The following XXYLT1 variants were observed in gnomAD, a reference collection of about 807,000 sequenced individuals.
XXYLT1 encodes the protein xyloside xylosyltransferase 1, also known as UDP-xylose:alpha-xyloside alpha-1,3-xylosyltransferase.
XXYLT1 carries 20 observed loss-of-function variants against 28.9 expected under a neutral mutation model. The observed-to-expected ratio is 0.69, with a 90% CI of 0.49 to 1.00. XXYLT1 has a LOEUF of 1.00. XXYLT1 is among the 50% of genes least tolerant of loss of function. XXYLT1 has a pLI of 0.00. For synonymous variants in XXYLT1, 257 were observed against 253.8 expected (o/e 1.01, Z -0.12); for missense variants, 542 against 560.1 (o/e 0.97, Z 0.33).
intron 3 of XXYLT1, among the ~76,000 whole-genome samples, chr3:195,146,238 G>C (rs998475812): frequency 6.6e-6 from 1 of 152,188 alleles, no homozygotes; most frequent in African/African-American, 2.4e-5. Flanking sequence ...GTTACAGAAG[G>C]TCCCTCTTGT....
At position 195,109,846 on chromosome 3, in the gene XXYLT1, G is replaced by T. The variant is rs1717408754; in HGVS notation, c.786-39735C>A. ...GTGTATGAGTGTGCGTGTGTGTGGTGTATGTGTGCCTGTGTGTGTGGTGTA... is the reference window on the plus strand; with the variant it reads ...GTGTATGAGTGTGCGTGTGTGTGGTTTATGTGTGCCTGTGTGTGTGGTGTA... On this transcript the variant is annotated intron_variant, in intron 3 of 3. Coordinates refer to ENST00000310380, the MANE Select transcript of XXYLT1 (RefSeq NM_152531.5). Among the ~76,000 whole-genome samples the T allele has an allele frequency of 4.5e-5, 3 of 66,494 alleles. 1 individual carries two copies. The South Asian group carries it at 1.4e-3, about 31-fold the overall frequency. The allele number at this position is 66,494 out of a possible 152,430, so 43.6% of individuals were successfully genotyped here. A position where few individuals can be genotyped will look rare whatever the true frequency, so the allele number is the denominator to read the frequency against.
intron 3 of XXYLT1, chr3:195,154,160 T>C (rs1436103413): frequency 6.6e-6 from 1 of 152,052 alleles, no homozygotes; most frequent in Non-Finnish European, 1.5e-5. Context: ...CATCAGCTGA[T>C]GGTCAGGCAG....
At chr3:195,099,279 T>A (rs547663486) in intron 3 of XXYLT1, among the ~76,000 whole-genome samples, 3 of 152,076 alleles carry the variant, frequency 2.0e-5, no homozygotes, top group Non-Finnish European at 4.4e-5. Flanking sequence ...CGCAGGTGCG[T>A]GGACTCACGT....
intron 3 of XXYLT1, among the ~76,000 whole-genome samples, chr3:195,070,972 C>T (rs1389101696): frequency 6.6e-6 from 1 of 152,260 alleles, no homozygotes; most frequent in Non-Finnish European, 1.5e-5. Context: ...TACCCAAATG[C>T]TTCCATCTGG....
chr3:195,127,124 AAG>A (rs761462975), intron 3 of XXYLT1, among the ~76,000 whole-genome samples: 1 of 152,158 alleles, frequency 6.6e-6, no homozygotes, highest in Non-Finnish European at 1.5e-5. Flanking sequence ...TGCGTTCTAG[AAG>A]AGTCTTCGCT....
At chr3:195,097,355 G>A (rs543871924) in intron 3 of XXYLT1, among the ~76,000 whole-genome samples, 17 of 152,126 alleles carry the variant, frequency 1.1e-4, no homozygotes, top group Non-Finnish European at 1.9e-4. Context: ...TTGTGACGCG[G>A]GTTACAGCAA....
At chr3:195,231,517 C>A (rs1049272617) in intron 1 of XXYLT1, among the ~76,000 whole-genome samples, 1 of 151,980 alleles carries the variant, frequency 6.6e-6, no homozygotes, top group Non-Finnish European at 1.5e-5. Context: ...TTGCTGTGGG[C>A]CTGTTGCATA....
At chr3:195,100,385 G>A (rs6783258) in intron 3 of XXYLT1, among the ~76,000 whole-genome samples, 19,443 of 152,066 alleles carry the variant, frequency 0.13, 2,773 homozygotes, top group African/African-American at 0.35. Flanking sequence ...AGTGTGCTTT[G>A]GCCAGGACAA....
intron 3 of XXYLT1, among the ~76,000 whole-genome samples, chr3:195,154,668 G>A (rs527484096): frequency 3.9e-5 from 6 of 152,242 alleles, no homozygotes; most frequent in African/African-American, 1.2e-4. Flanking sequence ...CCAGAACCAC[G>A]CCAATGTACA....
chr3:195,107,754 T>C (rs922688466), intron 3 of XXYLT1, among the ~76,000 whole-genome samples: 1 of 151,350 alleles, frequency 6.6e-6, no homozygotes, highest in Non-Finnish European at 1.5e-5. Context: ...CTCCCTGCGC[T>C]TCTGGCGGGG....
intron 2 of XXYLT1, among the ~76,000 whole-genome samples, chr3:195,184,044 G>A (rs984972034): frequency 6.6e-6 from 1 of 152,198 alleles, no homozygotes; most frequent in Non-Finnish European, 1.5e-5. Context: ...AAGAGAAAGA[G>A]AAAAGACACA....
At chr3:195,082,570 C>T (rs558553257) in intron 3 of XXYLT1, among the ~76,000 whole-genome samples, 1 of 152,246 alleles carries the variant, frequency 6.6e-6, no homozygotes, top group South Asian at 2.1e-4. Context: ...AAGGATCTCT[C>T]GGCTGGGCAC....
Position 195,173,187 on chromosome 3 carries a change from G to A in XXYLT1, c.653-16606C>T, listed in dbSNP as rs1721495340. 6.6e-6 allele frequency among the ~76,000 whole-genome samples: 1 copy of A among 152,228 alleles called. No individual in the cohort carries two copies. Among genetic ancestry groups the A allele is most frequent in the Non-Finnish European group, 1.5e-5 (1 of 68,042 alleles). ...AGTGGAGATGCTCACCCTGAGAGATGTCATAGAGCTCTCCCACTAGGGAAC... is the reference window on the plus strand; with the variant it reads ...AGTGGAGATGCTCACCCTGAGAGATATCATAGAGCTCTCCCACTAGGGAAC... On this transcript the variant is annotated intron_variant, in intron 2 of 3. Transcript: ENST00000310380. This position sits in a 1 kb window ranked among gnomAD's most constrained non-coding sequence, Gnocchi z 4.3.
chr3:195,225,253 A>G (rs1477767557), intron 2 of XXYLT1, among the ~76,000 whole-genome samples: 1 of 152,150 alleles, frequency 6.6e-6, no homozygotes, highest in African/African-American at 2.4e-5. Flanking sequence ...TCTCTTCTTC[A>G]GACTCCTGCC....
chr3:195,214,267 C>T (rs1184113808), intron 2 of XXYLT1, among the ~76,000 whole-genome samples: 1 of 152,162 alleles, frequency 6.6e-6, no homozygotes, highest in Non-Finnish European at 1.5e-5. Context: ...TGGGACCATG[C>T]TCACTAGTCA....
intron 2 of XXYLT1, among the ~76,000 whole-genome samples, chr3:195,192,876 T>G (rs1207313413): frequency 6.6e-6 from 1 of 152,210 alleles, no homozygotes. Context: ...TAATCCTGTA[T>G]GTTAAAAATC....
chr3:195,194,474 T>A (rs1182142883), intron 2 of XXYLT1, among the ~76,000 whole-genome samples: 2 of 152,098 alleles, frequency 1.3e-5, no homozygotes, highest in African/African-American at 4.8e-5. Context: ...GAAGGGAATA[T>A]AAATGAGTAC....
chr3:195,251,606 C>G (rs1313195762), intron 1 of XXYLT1, among the ~76,000 whole-genome samples: 1 of 152,166 alleles, frequency 6.6e-6, no homozygotes, highest in African/African-American at 2.4e-5. Flanking sequence ...GGAAGGTTGG[C>G]CCCAGTGTCT....
At position 195,210,874 on chromosome 3, in the gene XXYLT1, A is replaced by G. The variant is rs977036664; in HGVS notation, c.652+15835T>C. On this transcript the variant is annotated intron_variant, in intron 2 of 3. Transcript: ENST00000310380. The surrounding 1 kb of genome is among the most constrained non-coding windows in gnomAD (Gnocchi z 4.8). ...TGTTTTTTCCTTTGCTTTCTTCCAC[A>G]CCAAGAACCCCTGCTCCTCCCCCCA... is the stretch of plus-strand genomic sequence containing the variant. Among the ~76,000 whole-genome samples, 3 of 152,006 alleles carry G rather than the reference A, an allele frequency of 2.0e-5. No individual in the cohort carries two copies. Among genetic ancestry groups the G allele is most frequent in the Admixed American group, 6.6e-5 (1 of 15,260 alleles).
Sources: allele counts gnomAD v4.1 joint callset (sites outside exome capture counted in the v4.1 genomes callset), GRCh38; gene constraint gnomAD v4.1.1; non-coding constraint Gnocchi (gnomAD v3.1); transcripts MANE v1.5; gene names NCBI Gene and HGNC (gene_info 2026-07-23, HGNC 2026-07-21).